The following RANBP2 variants were observed in gnomAD, a reference collection of about 807,000 sequenced individuals.
RANBP2 encodes the protein RAN binding protein 2.
RANBP2 carries 57 observed loss-of-function variants against 303.6 expected under a neutral mutation model. The observed-to-expected ratio is 0.19, with a 90% CI of 0.15 to 0.23. RANBP2 has a LOEUF of 0.23. Ranked by LOEUF, RANBP2 falls within the 10% of genes least tolerant of loss-of-function variation. The pLI, the probability that RANBP2 is intolerant of heterozygous loss-of-function variation, is 1.00. For synonymous variants in RANBP2, 1,167 were observed against 1,301.5 expected, an observed-to-expected ratio of 0.90 and a Z score of 2.23; for missense variants, 3,138 against 3,780.8, an observed-to-expected ratio of 0.83 and a Z score of 4.46.
chr2:109,645,611 C>A, the RANBP2 span, among the ~76,000 whole-genome samples: 1 of 152,170 alleles, frequency 6.6e-6, no homozygotes, highest in Non-Finnish European at 1.5e-5. Flanking sequence ...CTGAGAGGTG[C>A]GACAGGCTCA....
chr2:109,453,751 A>G, the RANBP2 span, among the ~76,000 whole-genome samples: 1 of 152,206 alleles, frequency 6.6e-6, no homozygotes, highest in Non-Finnish European at 1.5e-5. Context: ...TAAACAGGCG[A>G]TTGATTGCAG....
At chr2:109,304,187 A>C in the RANBP2 span, among the ~76,000 whole-genome samples, 2 of 152,164 alleles carry the variant, frequency 1.3e-5, no homozygotes, top group Non-Finnish European at 2.9e-5. Context: ...GCTGTACAGT[A>C]GATCTCCAGA....
the RANBP2 span, among the ~76,000 whole-genome samples, chr2:109,143,455 G>A: frequency 7.9e-5 from 12 of 152,244 alleles, no homozygotes; most frequent in East Asian, 2.3e-3. Context: ...TAAAGAAAGT[G>A]CAGTGGGCTG....
chr2:109,579,915 G>GT, the RANBP2 span, among the ~76,000 whole-genome samples: 14 of 151,666 alleles, frequency 9.2e-5, 1 homozygote, highest in Admixed American at 3.9e-4. Flanking sequence ...GAGGTCAGGA[G>GT]TTTGAGACCA....
At chr2:109,102,115 T>C in the RANBP2 span, among the ~76,000 whole-genome samples, 1 of 152,102 alleles carries the variant, frequency 6.6e-6, no homozygotes, top group African/African-American at 2.4e-5. Context: ...TTTTTTATTT[T>C]TTTGAGACAG....
At chr2:109,692,973 G>A in the RANBP2 span, among the ~76,000 whole-genome samples, 2 of 151,434 alleles carry the variant, frequency 1.3e-5, no homozygotes, top group East Asian at 2.0e-4. Context: ...CACCCGCCAC[G>A]GTGTCAGACA....
the RANBP2 span, among the ~76,000 whole-genome samples, chr2:109,551,720 GCA>G: frequency 1.3e-5 from 2 of 152,108 alleles, no homozygotes; most frequent in African/African-American, 4.8e-5. Flanking sequence ...ACCATTTCCT[GCA>G]CAGTTCATTT....
At chr2:108,786,833 G>T (rs774873611), downstream of RANBP2, 25 of 1,591,342 alleles carry the variant, frequency 1.6e-5, no homozygotes, top group South Asian at 2.9e-4. Flanking sequence ...ATGGAGCCGA[G>T]GGTCGTCAAG....
chr2:109,157,577 G>A, the RANBP2 span, among the ~76,000 whole-genome samples: 1 of 152,186 alleles, frequency 6.6e-6, no homozygotes, highest in African/African-American at 2.4e-5. Context: ...GTCTCATCTG[G>A]TTGTTAAAAG....
chr2:109,568,727 T>C, the RANBP2 span, among the ~76,000 whole-genome samples: 1 of 152,084 alleles, frequency 6.6e-6, no homozygotes. Context: ...GTAACCAGGG[T>C]GATTGATCCC....
chr2:108,817,118 T>G, the RANBP2 span, among the ~76,000 whole-genome samples: 1 of 152,182 alleles, frequency 6.6e-6, no homozygotes, highest in Non-Finnish European at 1.5e-5. Flanking sequence ...ATTAAAGTTG[T>G]TAATCAGCTG....
chr2:109,315,305 C>G, the RANBP2 span, among the ~76,000 whole-genome samples: 17 of 152,172 alleles, frequency 1.1e-4, no homozygotes, highest in African/African-American at 4.1e-4. Context: ...GCCCTGGGTC[C>G]AACACCAACT....
chr2:109,605,212 T>C, the RANBP2 span, among the ~76,000 whole-genome samples: 42 of 152,350 alleles, frequency 2.8e-4, no homozygotes, highest in South Asian at 1.7e-3. Context: ...TTGGGCTGAA[T>C]ATAATTATAC....
intron 25 of RANBP2, among the ~76,000 whole-genome samples, chr2:108,777,501 G>C (rs1677974815): frequency 1.3e-5 from 2 of 152,044 alleles, no homozygotes; most frequent in African/African-American, 2.4e-5. Flanking sequence ...GAATGACTCT[G>C]ACTTTGATCC....
the RANBP2 span, among the ~76,000 whole-genome samples, chr2:109,515,216 G>A: frequency 2.0e-5 from 3 of 152,198 alleles, no homozygotes; most frequent in Admixed American, 6.5e-5. Context: ...GAAACTCGGC[G>A]GCACCCAGCA....
chr2:109,719,851 G>A, the RANBP2 span, among the ~76,000 whole-genome samples: 1 of 152,178 alleles, frequency 6.6e-6, no homozygotes, highest in East Asian at 1.9e-4. Context: ...TGAATTTCCA[G>A]GCTTGGCCAC....
the RANBP2 span, among the ~76,000 whole-genome samples, chr2:109,440,971 G>A: frequency 6.6e-6 from 1 of 151,864 alleles, no homozygotes; most frequent in Non-Finnish European, 1.5e-5. Context: ...GAAATCACCA[G>A]GCATTGAGTA....
chr2:109,621,914 A>AAAATAAATAAATAAAT, the RANBP2 span, among the ~76,000 whole-genome samples: 6,684 of 146,518 alleles, frequency 0.046, 231 homozygotes, highest in African/African-American at 0.094. Flanking sequence ...CTCCATCTCA[A>AAAATAAATAAATAAAT]AAATAAATAA....
At chr2:109,349,259 T>TG in the RANBP2 span, among the ~76,000 whole-genome samples, 1 of 152,196 alleles carries the variant, frequency 6.6e-6, no homozygotes, top group Non-Finnish European at 1.5e-5. Flanking sequence ...ATTTATGTCT[T>TG]GTTCTATTGT....
Sources: gnomAD v4.1 joint callset for allele counts (sites outside exome capture counted in the v4.1 genomes callset) on GRCh38, gnomAD v4.1.1 for gene constraint, MANE v1.5 for transcripts, NCBI Gene and HGNC (gene_info 2026-07-23, HGNC 2026-07-21) for gene names.